The following UPF2 variants were observed in gnomAD, a reference collection of about 807,000 sequenced individuals.
UPF2 encodes the protein UPF2 regulator of nonsense mediated mRNA decay, also known as regulator of nonsense transcripts 2.
In UPF2, 17 loss-of-function variants were observed where a neutral mutation model predicts 141.4. The observed-to-expected ratio is 0.12, with a 90% CI of 0.08 to 0.18. The LOEUF (loss-of-function observed/expected upper bound fraction) is 0.18. Ranked by LOEUF, UPF2 falls within the 10% of genes least tolerant of loss-of-function variation. The pLI, the probability that UPF2 is intolerant of heterozygous loss-of-function variation, is 1.00. For synonymous variants in UPF2, 540 were observed against 498.0 expected (o/e 1.08, Z -1.12); for missense variants, 1,152 against 1,515.9 (o/e 0.76, Z 3.99).
intron 8 of UPF2, among the ~76,000 whole-genome samples, chr10:11,986,089 A>T (rs1335873802): frequency 2.0e-5 from 3 of 151,678 alleles, no homozygotes; most frequent in East Asian, 1.9e-4. Context: ...TTTCACCGTG[A>T]TAGCCAGGAT....
rs1832906817 is a variant in UPF2, at chr10:11,939,302, T to G, written c.3379-2590A>C. ...AGGGCCCAACAGTCTTCATAATTAT[T>G]GGAGTGTTTGATAGATTTGCAATTA... is the stretch of plus-strand genomic sequence containing the variant. On this transcript the variant is annotated intron_variant, in intron 18 of 21. Transcript: ENST00000357604. The surrounding 1 kb of genome is among the most constrained non-coding windows in gnomAD (Gnocchi z 4.8). 6.6e-6 allele frequency among the ~76,000 whole-genome samples: 1 copy of G among 152,172 alleles called. No homozygotes were observed. The highest frequency in any genetic ancestry group is 6.5e-5 in the Admixed American group (1 of 15,280).
intron 18 of UPF2, 98 bp downstream of exon 18, chr10:11,942,566 GA>G (rs1832949719): frequency 9.6e-7 from 1 of 1,039,240 alleles, no homozygotes; most frequent in South Asian, 1.5e-5. Context: ...TGCTGCAGAA[GA>G]GACACTTAGA....
chr10:12,035,517 G>C, intron 1 of UPF2, 76 bp from the exon 2 acceptor site: 9 of 1,416,192 alleles, frequency 6.4e-6, no homozygotes, highest in Non-Finnish European at 8.3e-6. Context: ...TTTTTAAACA[G>C]AACATATTAA....
chr10:11,945,521 C>A (rs907051868), intron 16 of UPF2, among the ~76,000 whole-genome samples: 1 of 152,194 alleles, frequency 6.6e-6, no homozygotes, highest in African/African-American at 2.4e-5. Flanking sequence ...AGTCCCAGTT[C>A]ACTTCTCCCA....
chr10:11,991,116 A>G (rs1271874012), intron 8 of UPF2, among the ~76,000 whole-genome samples: 1 of 152,212 alleles, frequency 6.6e-6, no homozygotes, highest in Non-Finnish European at 1.5e-5. Context: ...AAATTAAAAA[A>G]ATAAGAATGA....
intron 3 of UPF2, among the ~76,000 whole-genome samples, chr10:12,018,644 C>T (rs1588572691): frequency 6.6e-6 from 1 of 151,918 alleles, no homozygotes. Context: ...CCTAGCTACT[C>T]AGGAGGTTGA....
chr10:11,997,507 AC>A (rs1279518333), intron 8 of UPF2, among the ~76,000 whole-genome samples, 164 bp downstream of exon 8: 2 of 152,212 alleles, frequency 1.3e-5, no homozygotes, highest in Non-Finnish European at 2.9e-5. Flanking sequence ...CAAGCAATGA[AC>A]AAAAATTAAT....
At chr10:11,928,966 T>C (rs915930318) in intron 21 of UPF2, among the ~76,000 whole-genome samples, 4 of 152,034 alleles carry the variant, frequency 2.6e-5, no homozygotes, top group Admixed American at 2.6e-4. Context: ...CTGGCCAACA[T>C]GGTGAAACCC....
At chr10:11,943,909 A>T (rs192317102) in intron 16 of UPF2, among the ~76,000 whole-genome samples, 5 of 151,956 alleles carry the variant, frequency 3.3e-5, no homozygotes, top group African/African-American at 1.2e-4. Flanking sequence ...GAGATTTTCA[A>T]AGGGCACAAA....
chr10:11,947,909 G>A (rs1421075816), intron 16 of UPF2, among the ~76,000 whole-genome samples: 1 of 151,370 alleles, frequency 6.6e-6, no homozygotes, highest in Middle Eastern at 3.2e-3. Context: ...TTAAACAAGG[G>A]GTTTTATGAT....
intron 8 of UPF2, among the ~76,000 whole-genome samples, chr10:11,986,747 T>C (rs538331115): frequency 3.4e-4 from 52 of 152,334 alleles, no homozygotes; most frequent in Admixed American, 1.2e-3. Flanking sequence ...AATGCCCTGT[T>C]GACTTTTCCA....
chr10:11,922,661 T>C (rs572619314), intron 21 of UPF2, among the ~76,000 whole-genome samples: 5 of 152,318 alleles, frequency 3.3e-5, no homozygotes, highest in Admixed American at 6.5e-5. Context: ...CTCAAAAATC[T>C]ATCAGCTCAA....
Position 11,979,645 on chromosome 10 carries a change from G to A in UPF2, c.1845-480C>T, listed in dbSNP as rs147222409. 9.3e-3 allele frequency among the ~76,000 whole-genome samples: 1,417 copies of A among 152,242 alleles called. 29 individuals are homozygous for A. The highest frequency in any genetic ancestry group is 0.032 in the African/African-American group (1,337 of 41,544). On this transcript the variant is annotated intron_variant, in intron 8 of 21. Coordinates refer to ENST00000357604, the MANE Select transcript of UPF2 (RefSeq NM_015542.4). The surrounding 1 kb of genome is among the most constrained non-coding windows in gnomAD (Gnocchi z 6.2). ...CAATAGGCTGGGCGTGGTAGCTCAC[G>A]CCTGTAATCCCAGCACTTTGGGAGG...
At chr10:12,003,180 G>A (rs1482985547) in intron 5 of UPF2, among the ~76,000 whole-genome samples, 1 of 152,190 alleles carries the variant, frequency 6.6e-6, no homozygotes, top group African/African-American at 2.4e-5. Context: ...GAGTACAGCA[G>A]AGAAAAACTC....
At position 11,931,803 on chromosome 10, in the gene UPF2, A is replaced by C; in HGVS notation, c.3547-21T>G. 1 of 1,583,222 alleles carries C rather than the reference A, an allele frequency of 6.3e-7. No homozygotes were observed. The highest frequency in any genetic ancestry group is 8.5e-7 in the Non-Finnish European group (1 of 1,171,502). The stretch of plus-strand genomic sequence containing the variant: ...TTAAACTGGGAGAAAATAACAAAGG[A>C]GTTACAAATAGTTTGAGAACACTGA... On this transcript the variant is annotated intron_variant, in intron 19 of 21. Coordinates refer to ENST00000357604, the MANE Select transcript of UPF2 (RefSeq NM_015542.4). The surrounding 1 kb of genome is among the most constrained non-coding windows in gnomAD (Gnocchi z 5.9).
intron 2 of UPF2, among the ~76,000 whole-genome samples, chr10:12,031,875 TA>T (rs1176180227): frequency 2.0e-5 from 3 of 152,166 alleles, no homozygotes; most frequent in Non-Finnish European, 4.4e-5. Flanking sequence ...ATTTTTCCAT[TA>T]AAAGCTACAA....
intron 18 of UPF2, among the ~76,000 whole-genome samples, chr10:11,938,853 G>GTTTGTTTTTTTTTTTT (rs1832889677): frequency 1.3e-5 from 1 of 79,816 alleles, no homozygotes; most frequent in African/African-American, 5.0e-5. Context: ...TTTTTTTTTT[G>GTTTGTTTTTTTTTTTT]TTTTTTTTTT....
At chr10:12,007,143 T>A (rs977314030) in intron 4 of UPF2, among the ~76,000 whole-genome samples, 1 of 152,310 alleles carries the variant, frequency 6.6e-6, no homozygotes, top group South Asian at 2.1e-4. Context: ...AGGAATGAGA[T>A]GTATCTACAA....
intron 8 of UPF2, among the ~76,000 whole-genome samples, chr10:11,983,122 C>T (rs371020081): frequency 2.2e-4 from 34 of 152,294 alleles, no homozygotes; most frequent in African/African-American, 7.7e-4. Context: ...TCTCTGGTAA[C>T]TCACTCTTAA....
Sources: allele counts gnomAD v4.1 joint callset (sites outside exome capture counted in the v4.1 genomes callset), GRCh38; gene constraint gnomAD v4.1.1; non-coding constraint Gnocchi (gnomAD v3.1); transcripts MANE v1.5; gene names NCBI Gene and HGNC (gene_info 2026-07-23, HGNC 2026-07-21).